Variants in TAFA2 observed in about 807,000 individuals in gnomAD.
The protein encoded by TAFA2 is chemokine-like protein TAFA-2.
Under a neutral mutation model 18.8 loss-of-function variants are expected in TAFA2, and 7 were observed. That is an observed-to-expected ratio of 0.37 (90% CI 0.21 to 0.70). The LOEUF (loss-of-function observed/expected upper bound fraction) is 0.70, where lower values mean the gene tolerates loss of function less well. Ranked by LOEUF, TAFA2 falls within the 30% of genes least tolerant of loss-of-function variation. The probability of loss-of-function intolerance (pLI) is 0.53; values close to 1 mark genes in which losing one functional copy is unlikely to be tolerated. For missense variants in TAFA2, 122 were observed against 158.1 expected (o/e 0.77, Z 1.23); for synonymous variants, 60 against 54.2 (o/e 1.11, Z -0.47).
At chr12:62,234,308 T>C (rs2062825563) in intron 1 of TAFA2, 1 of 452,958 alleles carries the variant, frequency 2.2e-6, no homozygotes, top group Non-Finnish European at 4.2e-6. Context: ...TGAATGAATA[T>C]AGAACTTGAA....
intron 1 of TAFA2, among the ~76,000 whole-genome samples, chr12:62,047,208 G>C (rs1342423482): frequency 6.6e-6 from 1 of 152,102 alleles, no homozygotes; most frequent in African/African-American, 2.4e-5. Flanking sequence ...CAAGATCTAT[G>C]AGACAGAAAT....
At chr12:62,051,259 C>G (rs1053763547) in intron 1 of TAFA2, among the ~76,000 whole-genome samples, 5 of 152,222 alleles carry the variant, frequency 3.3e-5, no homozygotes, top group Middle Eastern at 3.4e-3. Flanking sequence ...GGTCCTTACT[C>G]CTCCTCCTCC....
intron 1 of TAFA2, among the ~76,000 whole-genome samples, chr12:62,005,186 C>A (rs1880506151): frequency 1.3e-5 from 2 of 152,010 alleles, no homozygotes; most frequent in South Asian, 4.1e-4. Flanking sequence ...TTAGGTGTTA[C>A]CACCAAAGAA....
At chr12:61,827,719 A>G (rs1483504809) in intron 2 of TAFA2, among the ~76,000 whole-genome samples, 1 of 152,018 alleles carries the variant, frequency 6.6e-6, no homozygotes, top group Non-Finnish European at 1.5e-5. Context: ...TAGTCCTAAA[A>G]TAGAGGGAAA....
At chr12:62,243,887 C>T (rs1270105472) in intron 1 of TAFA2, among the ~76,000 whole-genome samples, 1 of 152,172 alleles carries the variant, frequency 6.6e-6, no homozygotes, top group African/African-American at 2.4e-5. Flanking sequence ...CTCAAGCAAT[C>T]CTGCCTTAGC....
chr12:61,756,833 A>G (rs1325007452), intron 2 of TAFA2, among the ~76,000 whole-genome samples: 1 of 152,090 alleles, frequency 6.6e-6, no homozygotes, highest in Non-Finnish European at 1.5e-5. Flanking sequence ...GGAAGTCTCT[A>G]ATATGAAGAT....
At chr12:62,163,178 T>C (rs770454975) in intron 1 of TAFA2, among the ~76,000 whole-genome samples, 2 of 152,048 alleles carry the variant, frequency 1.3e-5, no homozygotes, top group Non-Finnish European at 2.9e-5. Flanking sequence ...TCTACTTGTC[T>C]CTGAAAGGAG....
intron 2 of TAFA2, among the ~76,000 whole-genome samples, chr12:61,780,762 C>A (rs1245452097): frequency 6.6e-6 from 1 of 151,708 alleles, no homozygotes; most frequent in African/African-American, 2.4e-5. Context: ...TTTAAAAATT[C>A]TCCTGTTCTT....
At position 61,997,551 on chromosome 12, in the gene TAFA2, G is replaced by A. The variant is rs1054608811; in HGVS notation, c.-1-130125C>T. ...CCAAAAGTAAAAGGAAGTATTTGGG[G>A]AGTTAAGAAAAGGGGAGGTGGTGAC... is the stretch of plus-strand genomic sequence containing the variant. On this transcript the variant is annotated intron_variant, in intron 1 of 4. Transcript: ENST00000416284. Among the ~76,000 whole-genome samples, 4 of 152,214 alleles carry A rather than the reference G, an allele frequency of 2.6e-5. No individual in the cohort carries two copies. In the South Asian group the frequency reaches 8.3e-4, roughly 32 times the overall value.
intron 1 of TAFA2, among the ~76,000 whole-genome samples, chr12:62,042,696 A>T (rs1179389955): frequency 5.3e-5 from 8 of 152,082 alleles, no homozygotes; most frequent in African/African-American, 1.9e-4. Context: ...TTTTTCTGTT[A>T]CTATACATCT....
intron 1 of TAFA2, among the ~76,000 whole-genome samples, chr12:62,255,781 G>C (rs2062935468): frequency 6.6e-6 from 1 of 152,144 alleles, no homozygotes; most frequent in African/African-American, 2.4e-5. Flanking sequence ...TTGAACTTGA[G>C]AGGCGAAGGT....
intron 1 of TAFA2, among the ~76,000 whole-genome samples, chr12:62,219,560 CT>C (rs1303665386): frequency 6.6e-6 from 1 of 152,048 alleles, no homozygotes; most frequent in Non-Finnish European, 1.5e-5. Flanking sequence ...TGAATTGAAC[CT>C]TTGAAATTGG....
intron 4 of TAFA2, among the ~76,000 whole-genome samples, chr12:61,728,685 A>G (rs1870292249): frequency 6.6e-6 from 1 of 151,988 alleles, no homozygotes; most frequent in Admixed American, 6.6e-5. Flanking sequence ...CCATTCTGCC[A>G]TTCTGCATAT....
Position 61,880,742 on chromosome 12 carries a change from G to C in TAFA2, c.-1-13316C>G. On this transcript the variant is annotated intron_variant, in intron 1 of 4. Coordinates refer to ENST00000416284, the MANE Select transcript of TAFA2 (RefSeq NM_178539.5). The stretch of plus-strand genomic sequence containing the variant: ...TCGAGACCCGCGATGGGAAGCTTGT[G>C]TCTGAGTCCTCTGACGTCCTGCCTG... 7.9e-6 allele frequency: 3 copies of C among 377,548 alleles called. No homozygotes were observed. In the Admixed American group the frequency reaches 8.9e-5, roughly 11 times the overall value. 23.4% of individuals were successfully genotyped at this position (377,548 alleles called of 1,614,324 possible).
intron 1 of TAFA2, among the ~76,000 whole-genome samples, chr12:62,042,101 C>T (rs1322577900): frequency 1.3e-5 from 2 of 151,786 alleles, no homozygotes; most frequent in Non-Finnish European, 2.9e-5. Flanking sequence ...CAAAGAAGGC[C>T]GCCTCCATTG....
chr12:62,056,363 C>A (rs898763991), intron 1 of TAFA2, among the ~76,000 whole-genome samples: 1 of 152,172 alleles, frequency 6.6e-6, no homozygotes, highest in Non-Finnish European at 1.5e-5. Context: ...ATAAAAACAA[C>A]TAACCACAAT....
At chr12:62,165,939 T>TCTCTCA (rs1555195377) in intron 1 of TAFA2, among the ~76,000 whole-genome samples, 3 of 139,448 alleles carry the variant, frequency 2.2e-5, no homozygotes, top group South Asian at 2.4e-4. Flanking sequence ...TCTCTCTCTC[T>TCTCTCA]CACACACACA....
In TAFA2 at chr12:61,883,964, T is replaced by C. The variant is rs114877186; in HGVS notation, c.-1-16538A>G. ...TAACATATGTGAAGTACTCTATTTC[T>C]TACACTAAGTAGGTCCTCAATAAAT... On this transcript the variant is annotated intron_variant, in intron 1 of 4. Transcript: ENST00000416284. Among the ~76,000 whole-genome samples, 1,134 of 152,312 alleles carry C rather than the reference T, an allele frequency of 7.4e-3. 12 individuals are homozygous for C. The highest frequency in any genetic ancestry group is 0.024 in the African/African-American group (996 of 41,566).
Position 61,913,395 on chromosome 12 carries a change from C to A in TAFA2, c.-1-45969G>T, listed in dbSNP as rs369646756. Among the ~76,000 whole-genome samples, 826 of 152,150 alleles carry A rather than the reference C, an allele frequency of 5.4e-3. 13 individuals are homozygous for A. The highest frequency in any genetic ancestry group is 0.018 in the African/African-American group (766 of 41,514). On this transcript the variant is annotated intron_variant, in intron 1 of 4. Transcript: ENST00000416284. ...ATTTTATGGATATGTGTTATGATAC[C>A]CAATAATCCCTGAAGGTAACTTAAA...
Sources: gnomAD v4.1 joint callset for allele counts (sites outside exome capture counted in the v4.1 genomes callset) on GRCh38, gnomAD v4.1.1 for gene constraint, MANE v1.5 for transcripts, NCBI Gene and HGNC (gene_info 2026-07-23, HGNC 2026-07-21) for gene names.